SDK1: variants seen among roughly 807,000 people sequenced by gnomAD.
SDK1 encodes protein sidekick-1.
In SDK1, 157 loss-of-function variants were observed where a neutral mutation model predicts 245.5. That is an observed-to-expected ratio of 0.64 (90% CI 0.56 to 0.73). SDK1 has a LOEUF of 0.73. Among genes scored for constraint, SDK1 ranks in the 30% least tolerant of loss-of-function variants. The pLI is 0.00. For missense variants in SDK1, 3,583 were observed against 3,002.3 expected (o/e 1.19, Z -4.52); for synonymous variants, 1,647 against 1,278.5 (o/e 1.29, Z -6.15).
At chr7:4,260,924 T>C (rs1787962935) in intron 44 of SDK1, among the ~76,000 whole-genome samples, 1 of 152,328 alleles carries the variant, frequency 6.6e-6, no homozygotes, top group East Asian at 1.9e-4. Context: ...GTGTCTTACG[T>C]CTGCAATTCT....
intron 4 of SDK1, among the ~76,000 whole-genome samples, chr7:3,772,582 AT>A (rs1179089792): frequency 2.0e-5 from 3 of 152,242 alleles, no homozygotes; most frequent in Non-Finnish European, 4.4e-5. Flanking sequence ...AGCATCTTAA[AT>A]CATATAGAAA....
chr7:3,431,552 A>T (rs116525752), intron 1 of SDK1, among the ~76,000 whole-genome samples: 2 of 151,738 alleles, frequency 1.3e-5, no homozygotes, highest in Non-Finnish European at 2.9e-5. Flanking sequence ...TACCAAATCA[A>T]TTTTTTTTAG....
At chr7:3,969,198 T>C in intron 10 of SDK1, 59 bp from the exon 11 acceptor site, 4 of 1,426,998 alleles carry the variant, frequency 2.8e-6, no homozygotes, top group Admixed American at 4.4e-5. Flanking sequence ...CTAACCACTA[T>C]CTTCATTTCC....
intron 4 of SDK1, among the ~76,000 whole-genome samples, chr7:3,786,818 G>T (rs922377853): frequency 3.3e-5 from 5 of 151,986 alleles, no homozygotes; most frequent in African/African-American, 1.2e-4. Flanking sequence ...ATACACCTCG[G>T]TAGTACTACT....
chr7:3,466,991 C>T (rs935980634), intron 1 of SDK1, among the ~76,000 whole-genome samples: 11 of 139,578 alleles, frequency 7.9e-5, no homozygotes, highest in Non-Finnish European at 1.4e-4. Flanking sequence ...CACACACACA[C>T]ACACACACAC....
chr7:3,895,237 A>G (rs889599458), intron 5 of SDK1, among the ~76,000 whole-genome samples: 1 of 152,168 alleles, frequency 6.6e-6, no homozygotes, highest in Non-Finnish European at 1.5e-5. Context: ...TCTTATATTT[A>G]TTTATTGGAG....
rs117505873 is a variant in SDK1, at chr7:3,470,596, A to G, written c.299-148484A>G. Among the ~76,000 whole-genome samples, 46 of 152,218 alleles carry G rather than the reference A, an allele frequency of 3.0e-4. No homozygotes were observed. The East Asian group carries it at 8.7e-3, about 29-fold the overall frequency. ...AGAGGTTAAACTAGGTACGCTGGAG[A>G]CTTATTATGACTTTGGCAGTATGAA... is the stretch of plus-strand genomic sequence containing the variant. On this transcript the variant is annotated intron_variant, in intron 1 of 44. Coordinates refer to ENST00000404826, the MANE Select transcript of SDK1 (RefSeq NM_152744.4).
chr7:3,916,304 A>G (rs1464096995), intron 5 of SDK1, among the ~76,000 whole-genome samples: 1 of 152,244 alleles, frequency 6.6e-6, no homozygotes, highest in Non-Finnish European at 1.5e-5. Flanking sequence ...TCTACACTTT[A>G]CATGAGTTAA....
chr7:4,048,662 G>A (rs1394450630), intron 17 of SDK1, among the ~76,000 whole-genome samples: 5 of 152,198 alleles, frequency 3.3e-5, no homozygotes, highest in African/African-American at 1.2e-4. Context: ...CCAGGCCAGA[G>A]GCAGTCATCT....
intron 22 of SDK1, among the ~76,000 whole-genome samples, chr7:4,089,229 G>A (rs1258388757): frequency 2.6e-5 from 4 of 152,118 alleles, no homozygotes; most frequent in African/African-American, 9.7e-5. Flanking sequence ...TCAAGTGGAG[G>A]TGAGACCCTC....
At position 4,145,737 on chromosome 7, in the gene SDK1, A is replaced by G. The variant is rs759529254; in HGVS notation, c.4244A>G (p.Tyr1415Cys). 2 of 1,607,806 alleles carry G rather than the reference A, an allele frequency of 1.2e-6. No homozygotes were observed. Among genetic ancestry groups the G allele is most frequent in the Non-Finnish European group, 8.5e-7 (1 of 1,177,142 alleles). Residue 1415 changes from tyrosine (Y) to cysteine (C), a missense_variant, in exon 29 of 45, where the codon TAC becomes TGC. By Grantham distance (194) the Tyr-to-Cys change is radical. Coordinates refer to ENST00000404826, the MANE Select transcript of SDK1 (RefSeq NM_152744.4). ...CTGCCTGCAGGGTACCAGATTGCCT[A>G]CCGCCTGGCCAGCAGCAGCCCCCAC... ...NGIILGYQIA[Y>C]RLASSSPHTF... is the part of the protein sequence containing the mutation.
intron 17 of SDK1, among the ~76,000 whole-genome samples, chr7:4,022,836 C>T (rs1169170526): frequency 6.7e-6 from 1 of 149,778 alleles, no homozygotes; most frequent in Non-Finnish European, 1.5e-5. Context: ...TGCAGTGGCG[C>T]GATCTCGGCT....
intron 1 of SDK1, among the ~76,000 whole-genome samples, chr7:3,531,443 A>G (rs956484778): frequency 6.6e-6 from 1 of 152,186 alleles, no homozygotes; most frequent in Non-Finnish European, 1.5e-5. Context: ...TGCATATTGA[A>G]TTTAGCTACC....
intron 11 of SDK1, among the ~76,000 whole-genome samples, chr7:3,970,056 T>A (rs1782366477): frequency 6.6e-6 from 1 of 152,218 alleles, no homozygotes; most frequent in Non-Finnish European, 1.5e-5. Context: ...TTGGACCAAA[T>A]GGTCCCCCAT....
At chr7:3,752,032 C>A (rs914851734) in intron 4 of SDK1, among the ~76,000 whole-genome samples, 4 of 152,186 alleles carry the variant, frequency 2.6e-5, no homozygotes, top group African/African-American at 9.7e-5. Flanking sequence ...ACTCCTTTGG[C>A]CTTCTATGAT....
At chr7:3,429,869 G>C (rs1779785540) in intron 1 of SDK1, among the ~76,000 whole-genome samples, 1 of 152,026 alleles carries the variant, frequency 6.6e-6, no homozygotes, top group Non-Finnish European at 1.5e-5. Flanking sequence ...GGGATTACAG[G>C]CATGAGCCAC....
At chr7:4,163,055 G>A (rs749472062) in intron 32 of SDK1, among the ~76,000 whole-genome samples, 1 of 152,232 alleles carries the variant, frequency 6.6e-6, no homozygotes, top group African/African-American at 2.4e-5. Flanking sequence ...CCTGGCAGCA[G>A]ACACAACAGA....
chr7:3,856,999 T>G (rs1780563383), intron 5 of SDK1, among the ~76,000 whole-genome samples: 1 of 152,004 alleles, frequency 6.6e-6, no homozygotes, highest in Non-Finnish European at 1.5e-5. Context: ...CAAGGCATAA[T>G]CAGTATACCA....
intron 1 of SDK1, among the ~76,000 whole-genome samples, chr7:3,525,901 G>C (rs1285124383): frequency 2.6e-5 from 4 of 152,044 alleles, no homozygotes; most frequent in African/African-American, 9.7e-5. Flanking sequence ...AATTTGGATA[G>C]GAATAGAGAT....
Sources: allele counts gnomAD v4.1 joint callset (sites outside exome capture counted in the v4.1 genomes callset), GRCh38; gene constraint gnomAD v4.1.1; transcripts MANE v1.5; gene names NCBI Gene and HGNC (gene_info 2026-07-23, HGNC 2026-07-21).